RBMS1: variants seen among roughly 807,000 people sequenced by gnomAD.
RBMS1 encodes RNA binding motif single stranded interacting protein 1, also known as RNA-binding motif, single-stranded-interacting protein 1.
RBMS1 carries 17 observed loss-of-function variants against 62.3 expected under a neutral mutation model. The ratio of observed to expected loss-of-function variants is 0.27; its 90% confidence interval spans 0.19 to 0.41. The LOEUF is 0.41. Among genes scored for constraint, RBMS1 ranks in the 10% least tolerant of loss-of-function variants. The pLI is 1.00. For missense variants in RBMS1, 334 were observed against 504.5 expected (o/e 0.66, Z 3.24); for synonymous variants, 172 against 170.0 (o/e 1.01, Z -0.09).
intron 1 of RBMS1, among the ~76,000 whole-genome samples, chr2:160,476,103 C>T (rs1271040802): frequency 1.3e-5 from 2 of 152,146 alleles, no homozygotes; most frequent in Admixed American, 1.3e-4. Flanking sequence ...AGTGATCCAC[C>T]CACCTCGGCC....
At chr2:160,449,839 T>A (rs1683887558) in intron 1 of RBMS1, among the ~76,000 whole-genome samples, 2 of 151,620 alleles carry the variant, frequency 1.3e-5, no homozygotes, top group Admixed American at 1.3e-4. Flanking sequence ...TAAAAAAAAA[T>A]TAAAAAATGG....
intron 1 of RBMS1, among the ~76,000 whole-genome samples, chr2:160,428,136 A>G (rs981616303): frequency 1.2e-4 from 19 of 152,074 alleles, no homozygotes; most frequent in African/African-American, 4.3e-4. Context: ...TAACAAATAC[A>G]GTGGCTTGGT....
intron 1 of RBMS1, among the ~76,000 whole-genome samples, chr2:160,379,947 G>T (rs1012360891): frequency 6.6e-6 from 1 of 152,158 alleles, no homozygotes; most frequent in African/African-American, 2.4e-5. Flanking sequence ...GGGCAACACA[G>T]AACTCAGTTC....
chr2:160,490,551 C>T (rs1273608344), intron 1 of RBMS1, among the ~76,000 whole-genome samples: 1 of 151,920 alleles, frequency 6.6e-6, no homozygotes, highest in Admixed American at 6.6e-5. Context: ...TATAGCCCAA[C>T]GGATGGTATT....
chr2:160,282,097 A>T (rs1688131191), intron 9 of RBMS1: 1 of 530,830 alleles, frequency 1.9e-6, no homozygotes, highest in African/African-American at 2.0e-5. Context: ...CCATTTCTTG[A>T]TGCCCAGAGC....
intron 1 of RBMS1, chr2:160,407,729 C>A (rs1385020883): frequency 1.0e-6 from 1 of 981,406 alleles, no homozygotes; most frequent in Non-Finnish European, 1.2e-6. Context: ...CCTCCGCACT[C>A]GCCTAAAAGT....
At chr2:160,409,917 A>C (rs1334822397) in intron 1 of RBMS1, among the ~76,000 whole-genome samples, 1 of 152,202 alleles carries the variant, frequency 6.6e-6, no homozygotes, top group East Asian at 1.9e-4. Flanking sequence ...AGATATACTA[A>C]GAATACTAAA....
chr2:160,347,980 G>C (rs1042023053), intron 2 of RBMS1, among the ~76,000 whole-genome samples: 1 of 152,040 alleles, frequency 6.6e-6, no homozygotes, highest in Non-Finnish European at 1.5e-5. Context: ...CTAATGCATG[G>C]AAAATAGGCA....
intron 2 of RBMS1, among the ~76,000 whole-genome samples, chr2:160,337,290 C>A (rs1326777372): frequency 4.6e-5 from 7 of 151,928 alleles, no homozygotes; most frequent in Non-Finnish European, 1.0e-4. Flanking sequence ...CATGTCACTG[C>A]AGCTGGCTAA....
At chr2:160,364,214 G>A (rs1693278825) in intron 2 of RBMS1, among the ~76,000 whole-genome samples, 1 of 152,200 alleles carries the variant, frequency 6.6e-6, no homozygotes, top group Non-Finnish European at 1.5e-5. Context: ...TACCTGGATT[G>A]TTCCATTTCC....
intron 4 of RBMS1, among the ~76,000 whole-genome samples, chr2:160,304,718 A>C (rs1327483413): frequency 6.6e-6 from 1 of 152,222 alleles, no homozygotes; most frequent in African/African-American, 2.4e-5. Flanking sequence ...GAATAAATGT[A>C]TAAAGAAAAT....
At chr2:160,316,026 T>C (rs1453311591) in intron 3 of RBMS1, among the ~76,000 whole-genome samples, 3 of 152,190 alleles carry the variant, frequency 2.0e-5, no homozygotes, top group African/African-American at 4.8e-5. Context: ...AAAATTAGTA[T>C]ATAACACAAG....
intron 1 of RBMS1, among the ~76,000 whole-genome samples, chr2:160,384,534 T>C (rs1694465409): frequency 6.6e-6 from 1 of 152,200 alleles, no homozygotes; most frequent in African/African-American, 2.4e-5. Context: ...AAGGAGGCAG[T>C]ACAGCAATTA....
At chr2:160,475,921 A>G (rs1685106802) in intron 1 of RBMS1, among the ~76,000 whole-genome samples, 1 of 146,500 alleles carries the variant, frequency 6.8e-6, no homozygotes, top group Admixed American at 7.0e-5. Flanking sequence ...CAGTTGTGTG[A>G]TCTTGGCTCA....
intron 1 of RBMS1, among the ~76,000 whole-genome samples, chr2:160,474,570 C>T (rs10208158): frequency 0.48 from 72,653 of 151,984 alleles, 17,951 homozygotes; most frequent in Admixed American, 0.57. Context: ...ATAATGTGAA[C>T]GTATTCAACG....
intron 1 of RBMS1, among the ~76,000 whole-genome samples, chr2:160,425,751 A>G (rs1235658108): frequency 1.3e-5 from 2 of 152,328 alleles, no homozygotes; most frequent in Non-Finnish European, 1.5e-5. Flanking sequence ...CCTTGAATGG[A>G]AAACTGTCAT....
chr2:160,283,334 T>C (rs79544223), intron 9 of RBMS1: 1 of 152,274 alleles, frequency 6.6e-6, no homozygotes, highest in Non-Finnish European at 1.5e-5. Flanking sequence ...GGAAGTGCAC[T>C]AGAGCAGATC....
chr2:160,480,320 A>T (rs1685314343), intron 1 of RBMS1, among the ~76,000 whole-genome samples: 1 of 152,236 alleles, frequency 6.6e-6, no homozygotes, highest in South Asian at 2.1e-4. Flanking sequence ...TGCAAGAAAA[A>T]TTAAAAAGAA....
chr2:160,477,177 C>A (rs1157582587), intron 1 of RBMS1, among the ~76,000 whole-genome samples: 2 of 152,092 alleles, frequency 1.3e-5, no homozygotes, highest in Admixed American at 1.3e-4. Context: ...TGACAAACAA[C>A]CAACACAGAA....
Sources: gnomAD v4.1 joint callset for allele counts (sites outside exome capture counted in the v4.1 genomes callset) on GRCh38, gnomAD v4.1.1 for gene constraint, MANE v1.5 for transcripts, NCBI Gene and HGNC (gene_info 2026-07-23, HGNC 2026-07-21) for gene names.